Variants in PTPRQ observed in about 807,000 individuals in gnomAD.
The protein encoded by PTPRQ is phosphatidylinositol phosphatase PTPRQ.
In PTPRQ, 199 loss-of-function variants were observed where a neutral mutation model predicts 246.0. That is an observed-to-expected ratio of 0.81 (90% CI 0.72 to 0.91). The LOEUF (loss-of-function observed/expected upper bound fraction) is 0.91, where lower values mean the gene tolerates loss of function less well. Ranked by LOEUF, PTPRQ falls within the 40% of genes least tolerant of loss-of-function variation. The pLI is 0.00. For synonymous variants in PTPRQ, 869 were observed against 853.2 expected (o/e 1.02, Z -0.32); for missense variants, 2,624 against 2,528.4 (o/e 1.04, Z -0.81).
chr12:80,624,166 G>T (rs1406305415), intron 33 of PTPRQ, among the ~76,000 whole-genome samples: 2 of 152,150 alleles, frequency 1.3e-5, no homozygotes, highest in Non-Finnish European at 2.9e-5. Flanking sequence ...GTGAGTAAAA[G>T]ATGTGTAATG....
intron 35 of PTPRQ, among the ~76,000 whole-genome samples, chr12:80,645,388 A>G (rs893446290): frequency 6.6e-6 from 1 of 152,104 alleles, no homozygotes; most frequent in Non-Finnish European, 1.5e-5. Context: ...TTAATAATTT[A>G]GTGTGAAAAT....
At chr12:80,667,602 C>A (rs1221675582) in intron 39 of PTPRQ, among the ~76,000 whole-genome samples, 1 of 151,770 alleles carries the variant, frequency 6.6e-6, no homozygotes, top group Non-Finnish European at 1.5e-5. Flanking sequence ...GATGAACCCC[C>A]AGCTCCTAAA....
intron 43 of PTPRQ, among the ~76,000 whole-genome samples, chr12:80,677,697 C>A (rs1901190572): frequency 6.6e-6 from 1 of 152,096 alleles, no homozygotes; most frequent in Non-Finnish European, 1.5e-5. Context: ...TTTCTGAAGA[C>A]AATTTCAATA....
At chr12:80,519,267 A>G (rs771662971) in intron 17 of PTPRQ, among the ~76,000 whole-genome samples, 3 of 152,112 alleles carry the variant, frequency 2.0e-5, no homozygotes, top group Non-Finnish European at 2.9e-5. Context: ...TTGAGTTATT[A>G]ACTGTTGATT....
intron 26 of PTPRQ, among the ~76,000 whole-genome samples, chr12:80,591,106 T>C (rs989006767): frequency 7.3e-5 from 11 of 150,164 alleles, no homozygotes; most frequent in African/African-American, 2.7e-4. Flanking sequence ...GTTTAGGATC[T>C]GCCTTGATCA....
At chr12:80,625,309 G>C (rs1392576310) in intron 33 of PTPRQ, among the ~76,000 whole-genome samples, 1 of 149,926 alleles carries the variant, frequency 6.7e-6, no homozygotes. Flanking sequence ...GTAAGCTGCT[G>C]AAGACATATG....
intron 14 of PTPRQ, among the ~76,000 whole-genome samples, chr12:80,503,617 A>G (rs10862146): frequency 0.3 from 45,451 of 151,564 alleles, 8,175 homozygotes; most frequent in African/African-American, 0.5. Flanking sequence ...TTTATAACAG[A>G]ACTCTTGAAT....
At chr12:80,543,840 G>T (rs1426218939) in intron 23 of PTPRQ, among the ~76,000 whole-genome samples, 1 of 152,072 alleles carries the variant, frequency 6.6e-6, no homozygotes, top group Non-Finnish European at 1.5e-5. Flanking sequence ...TTTCCCAGAG[G>T]TGTGAAATAA....
At chr12:80,497,891 G>C (rs954734552) in intron 14 of PTPRQ, among the ~76,000 whole-genome samples, 1 of 152,016 alleles carries the variant, frequency 6.6e-6, no homozygotes, top group African/African-American at 2.4e-5. Flanking sequence ...AGTTCAGCCA[G>C]ATACTATATA....
intron 30 of PTPRQ, among the ~76,000 whole-genome samples, chr12:80,619,114 A>C (rs777783903): frequency 3.0e-4 from 46 of 151,528 alleles, no homozygotes; most frequent in Non-Finnish European, 5.3e-4. Flanking sequence ...AGCATGTATA[A>C]ATTGAATTTT....
chr12:80,454,554 G>A (rs1892906835), intron 3 of PTPRQ: 1 of 702,474 alleles, frequency 1.4e-6, no homozygotes, highest in East Asian at 2.7e-5. Context: ...GCATTTCTTA[G>A]GGATAATCCT....
intron 3 of PTPRQ, among the ~76,000 whole-genome samples, chr12:80,452,313 T>C (rs1203175654): frequency 1.3e-5 from 2 of 151,978 alleles, no homozygotes; most frequent in East Asian, 1.9e-4. Context: ...CTTGACTCTT[T>C]ATCCAATTTG....
At chr12:80,491,984 A>G (rs553159923) in intron 9 of PTPRQ, among the ~76,000 whole-genome samples, 1 of 151,790 alleles carries the variant, frequency 6.6e-6, no homozygotes, top group Non-Finnish European at 1.5e-5. Context: ...GAATTTTTTT[A>G]AAAAAAGGGG....
At chr12:80,481,495 A>G (rs12309989) in intron 8 of PTPRQ, among the ~76,000 whole-genome samples, 10,052 of 152,180 alleles carry the variant, frequency 0.066, 857 homozygotes, top group African/African-American at 0.19. Context: ...CACCACTCCT[A>G]TTCAACATAG....
intron 33 of PTPRQ, among the ~76,000 whole-genome samples, chr12:80,622,348 T>G (rs1899026695): frequency 6.6e-6 from 1 of 152,088 alleles, no homozygotes; most frequent in Non-Finnish European, 1.5e-5. Flanking sequence ...ATCTGTCATC[T>G]CATCTTAACT....
At chr12:80,466,350 T>C (rs1893412276) in intron 6 of PTPRQ, among the ~76,000 whole-genome samples, 2 of 152,096 alleles carry the variant, frequency 1.3e-5, no homozygotes, top group Admixed American at 1.3e-4. Flanking sequence ...CTCAATGAAA[T>C]AAAAGAGGAT....
intron 17 of PTPRQ, among the ~76,000 whole-genome samples, chr12:80,517,113 G>A (rs968425769): frequency 2.0e-5 from 3 of 152,066 alleles, no homozygotes; most frequent in African/African-American, 7.2e-5. Context: ...GAGTGCCAAG[G>A]TCAAGCCCAT....
chr12:80,478,806 C>T (rs1051772346), intron 8 of PTPRQ, among the ~76,000 whole-genome samples: 19 of 151,942 alleles, frequency 1.3e-4, no homozygotes, highest in Admixed American at 7.2e-4. Context: ...TGAAACGAAG[C>T]GAGAAGGGAA....
At chr12:80,634,279 A>T (rs2121175255) in intron 34 of PTPRQ, among the ~76,000 whole-genome samples, 1 of 152,312 alleles carries the variant, frequency 6.6e-6, no homozygotes, top group East Asian at 1.9e-4. Context: ...TGTGAAAGAT[A>T]GAATAGCTAA....
Sources: allele counts gnomAD v4.1 joint callset (sites outside exome capture counted in the v4.1 genomes callset), GRCh38; gene constraint gnomAD v4.1.1; transcripts MANE v1.5; gene names NCBI Gene and HGNC (gene_info 2026-07-23, HGNC 2026-07-21).